The following MTERF4 variants were observed in gnomAD, a reference collection of about 807,000 sequenced individuals.
The protein encoded by MTERF4 is transcription termination factor 4, mitochondrial.
MTERF4 carries 17 observed loss-of-function variants against 22.5 expected under a neutral mutation model. The observed-to-expected ratio is 0.75, with a 90% confidence interval of 0.52 to 1.13. The LOEUF is 1.13. MTERF4 is among the 50% of genes most tolerant of loss of function. MTERF4 has a pLI of 0.00. For synonymous variants in MTERF4, 165 were observed against 175.3 expected (o/e 0.94, Z 0.47); for missense variants, 420 against 466.8 (o/e 0.90, Z 0.92).
At chr2:241,046,128 C>A in the MTERF4 span, among the ~76,000 whole-genome samples, 1 of 152,154 alleles carries the variant, frequency 6.6e-6, no homozygotes, top group Non-Finnish European at 1.5e-5. Flanking sequence ...TCACAACAAA[C>A]TCATTAGAAT....
downstream of MTERF4, among the ~76,000 whole-genome samples, chr2:241,083,034 C>T (rs1020247831): frequency 2.0e-5 from 3 of 152,224 alleles, no homozygotes; most frequent in East Asian, 5.8e-4. Context: ...GCCTTCAGGA[C>T]CCGTTCATTG....
downstream of MTERF4, chr2:241,082,273 G>A (rs112705815): frequency 5.0e-3 from 8,053 of 1,601,356 alleles, 22 homozygotes; most frequent in Non-Finnish European, 6.4e-3. Flanking sequence ...CTTCTTTGTC[G>A]CAGCCTGTAT....
chr2:241,085,791 G>A (rs2063539679), downstream of MTERF4, among the ~76,000 whole-genome samples: 2 of 151,532 alleles, frequency 1.3e-5, no homozygotes, highest in African/African-American at 4.8e-5. Flanking sequence ...TGTTTTAGGT[G>A]GCTTTGGAGT....
rs2062833611 is a variant in MTERF4, at chr2:241,073,299, A to C, written n.2863T>G. Reference sequence around the variant, plus strand: ...GCCTCGGCGCAGCTCGAGAACATGGAGGAAGCCCCCAAGCGGGTCAGCCTG... The same window carrying C: ...GCCTCGGCGCAGCTCGAGAACATGGCGGAAGCCCCCAAGCGGGTCAGCCTG... On this transcript the variant is annotated non_coding_transcript_exon_variant, in exon 5 of 5. Coordinates refer to the MTERF4 transcript ENST00000464344. The surrounding 1 kb of genome is among the most constrained non-coding windows in gnomAD (Gnocchi z 6.6). 1 of 1,569,504 alleles carries C rather than the reference A, an allele frequency of 6.4e-7. No homozygotes were observed.
intron 4 of MTERF4, chr2:241,081,704 C>G: frequency 6.2e-7 from 1 of 1,608,522 alleles, no homozygotes; most frequent in Non-Finnish European, 8.5e-7. Context: ...TCAGAAAACC[C>G]CTGTCAGAAC....
At chr2:241,068,725 T>C (rs1241941541), downstream of MTERF4, among the ~76,000 whole-genome samples, 1 of 152,054 alleles carries the variant, frequency 6.6e-6, no homozygotes, top group Non-Finnish European at 1.5e-5. This position sits in a 1 kb window ranked among gnomAD's most constrained non-coding sequence, Gnocchi z 5.3. Context: ...ATGGGTTGGC[T>C]TCCCGCCCTA....
chr2:241,088,422 G>T, downstream of MTERF4: 1 of 1,601,524 alleles, frequency 6.2e-7, no homozygotes, highest in Non-Finnish European at 8.6e-7. Flanking sequence ...TGCTGCTCCC[G>T]CCCCACTACC....
At chr2:241,051,786 G>A in the MTERF4 span, 2 of 1,555,570 alleles carry the variant, frequency 1.3e-6, no homozygotes, top group East Asian at 2.4e-5. The surrounding 1 kb of genome is among the most constrained non-coding windows in gnomAD (Gnocchi z 4.7). Flanking sequence ...CGGAACGGGG[G>A]CACGTGCAAG....
Position 241,095,774 on chromosome 2 carries a change from C to T in MTERF4, c.*224G>A, listed in dbSNP as rs1350161394. On this transcript the variant is annotated 3_prime_UTR_variant, in exon 4 of 4. Transcript: ENST00000391980. ...GTATCTTATTCAGGATGGGACAGGG[C>T]CCTCCCCACAGACACGTGACAACAG... is the stretch of plus-strand genomic sequence containing the variant. 3 of 710,754 alleles carry T rather than the reference C, an allele frequency of 4.2e-6. No individual in the cohort carries two copies. The highest frequency in any genetic ancestry group is 2.3e-6 in the Non-Finnish European group (1 of 438,906). The allele number at this position is 710,754 out of a possible 1,614,324, so 44.0% of individuals were successfully genotyped here. A position where few individuals can be genotyped will look rare whatever the true frequency, so the allele number is the denominator to read the frequency against.
At chr2:241,069,846 G>A (rs912730153), downstream of MTERF4, 31 of 1,531,122 alleles carry the variant, frequency 2.0e-5, no homozygotes, top group Admixed American at 3.6e-5. This position sits in a 1 kb window ranked among gnomAD's most constrained non-coding sequence, Gnocchi z 4.9. Flanking sequence ...GCCCATGTCC[G>A]GTTCTCAAAC....
intron 2 of MTERF4, 110 bp from the exon 3 acceptor site, chr2:241,097,537 T>C: frequency 9.7e-7 from 1 of 1,033,372 alleles, no homozygotes; most frequent in Non-Finnish European, 1.4e-6. Flanking sequence ...AAGGATCCTC[T>C]CCTTCCACAG....
chr2:241,081,743 C>T, intron 4 of MTERF4: 2 of 1,608,672 alleles, frequency 1.2e-6, no homozygotes, highest in Non-Finnish European at 1.7e-6. Context: ...GGCGCAGACG[C>T]CCACAGCTGT....
At chr2:241,093,901 T>A (rs2064210579), downstream of MTERF4, 1 of 153,400 alleles carries the variant, frequency 6.5e-6, no homozygotes, top group African/African-American at 2.4e-5. Flanking sequence ...AAGATTTCTG[T>A]ATCAAAATGA....
At chr2:241,087,212 T>A, downstream of MTERF4, 1 of 590,440 alleles carries the variant, frequency 1.7e-6, no homozygotes, top group South Asian at 2.4e-5. Flanking sequence ...TTATTACAAA[T>A]CACATGACCT....
At chr2:241,083,752 T>G (rs2063444393), downstream of MTERF4, among the ~76,000 whole-genome samples, 1 of 152,150 alleles carries the variant, frequency 6.6e-6, no homozygotes, top group African/African-American at 2.4e-5. Flanking sequence ...TTTTAACCTA[T>G]CTGCATATTT....
chr2:241,095,581 G>C lies in MTERF4; in HGVS notation c.*417C>G, dbSNP rs1426338623. The stretch of plus-strand genomic sequence containing the variant: ...TACTAAAACCTCACATTGCCTTCTC[G>C]TAATTTTATTTTTATCACAAGAAGG... On this transcript the variant is annotated 3_prime_UTR_variant, in exon 4 of 4. Coordinates refer to ENST00000391980, the MANE Select transcript of MTERF4 (RefSeq NM_182501.4). The C allele has an allele frequency of 5.6e-6, 1 of 178,958 alleles. No homozygotes were observed. The highest frequency in any genetic ancestry group is 1.5e-4 in the East Asian group (1 of 6,598). 11.1% of individuals were successfully genotyped at this position (178,958 alleles called of 1,614,324 possible). A position where few individuals can be genotyped will look rare whatever the true frequency, so the allele number is the denominator to read the frequency against.
downstream of MTERF4, chr2:241,088,676 G>A (rs570561491): frequency 4.3e-6 from 2 of 463,114 alleles, no homozygotes; most frequent in East Asian, 3.5e-5. Flanking sequence ...CTCTCTCAAG[G>A]GAAATGTGGC....
rs1575082385 is a variant in MTERF4, at chr2:241,075,674, T to C, written n.488A>G. On this transcript the variant is annotated non_coding_transcript_exon_variant, in exon 5 of 5. Transcript: ENST00000464344. The surrounding 1 kb of genome is among the most constrained non-coding windows in gnomAD (Gnocchi z 4.8). ...CTGGCTTGTCCTTCCCTGTTCTTGG[T>C]GGTACTTCCTAATAGAGAAAAGTTC... 6.6e-6 allele frequency: 1 copy of C among 152,230 alleles called. No homozygotes were observed. The highest frequency in any genetic ancestry group is 2.4e-5 in the African/African-American group (1 of 41,456). 9.4% of individuals were successfully genotyped at this position (152,230 alleles called of 1,614,324 possible). A position where few individuals can be genotyped will look rare whatever the true frequency, so the allele number is the denominator to read the frequency against.
chr2:241,051,770 C>A, the MTERF4 span: 1 of 1,543,450 alleles, frequency 6.5e-7, no homozygotes. This position sits in a 1 kb window ranked among gnomAD's most constrained non-coding sequence, Gnocchi z 4.7. Flanking sequence ...CAGCTCAGGG[C>A]CCTGCCGGAA....
Sources: allele counts gnomAD v4.1 joint callset (sites outside exome capture counted in the v4.1 genomes callset), GRCh38; gene constraint gnomAD v4.1.1; non-coding constraint Gnocchi (gnomAD v3.1); transcripts MANE v1.5; gene names NCBI Gene and HGNC (gene_info 2026-07-23, HGNC 2026-07-21).